SYNPO: variants seen among roughly 807,000 people sequenced by gnomAD.
SYNPO encodes synaptopodin.
In SYNPO, 19 loss-of-function variants were observed where a neutral mutation model predicts 49.5. The ratio of observed to expected loss-of-function variants is 0.38; its 90% CI spans 0.27 to 0.56. The LOEUF (loss-of-function observed/expected upper bound fraction) is 0.56. Among genes scored for constraint, SYNPO ranks in the 20% least tolerant of loss-of-function variants. The probability of loss-of-function intolerance (pLI) is 0.68; values close to 1 mark genes in which losing one functional copy is unlikely to be tolerated. For missense variants in SYNPO, 1,131 were observed against 1,248.3 expected (o/e 0.91, Z 1.42); for synonymous variants, 536 against 548.0 (o/e 0.98, Z 0.31).
exon 2 of SYNPO, chr5:150,618,483 A>G: frequency 2.6e-6 from 4 of 1,551,564 alleles, no homozygotes; most frequent in Non-Finnish European, 3.5e-6. Flanking sequence ...GAAGCCGAGG[A>G]GAGCAGCGGT....
chr5:150,651,833 C>A (rs1758398750), intron 2 of SYNPO: 1 of 1,000,350 alleles, frequency 1.0e-6, no homozygotes, highest in Non-Finnish European at 1.2e-6. Context: ...CTTCCCATCG[C>A]CTCTGACACT....
chr5:150,620,891 CTTTTTTTCTCTTTCTTTCTTTCTTTCTT>C (rs1757132048), intron 2 of SYNPO, among the ~76,000 whole-genome samples: 1 of 143,760 alleles, frequency 7.0e-6, no homozygotes, highest in African/African-American at 2.6e-5. Context: ...TTCTTTTTTT[CTTTTTTTCTCTTTCTTTCTTTCTTTCTT>C]TCTTTCTTTC....
intron 1 of SYNPO, chr5:150,615,216 C>A (rs192963089): frequency 6.6e-6 from 1 of 152,232 alleles, no homozygotes; most frequent in Non-Finnish European, 1.5e-5. Flanking sequence ...TGGGAGGGAA[C>A]CTTGAATTGG....
intron 2 of SYNPO, among the ~76,000 whole-genome samples, chr5:150,634,700 A>C (rs1454055582): frequency 6.6e-6 from 1 of 152,076 alleles, no homozygotes; most frequent in Non-Finnish European, 1.5e-5. Context: ...GCATGCCTGT[A>C]GTCCCAGCTA....
In SYNPO at chr5:150,603,714, G is replaced by GGCAGAGAT. The variant is rs373625505; in HGVS notation, c.-266+2533_-266+2540dup. 4.0e-3 allele frequency among the ~76,000 whole-genome samples: 613 copies of GGCAGAGAT among 152,318 alleles called. 2 individuals are homozygous for GGCAGAGAT. Among genetic ancestry groups the GGCAGAGAT allele is most frequent in the African/African-American group, 0.014 (589 of 41,566 alleles). On this transcript the variant is annotated intron_variant, in intron 1 of 2. Coordinates refer to the SYNPO transcript ENST00000394243. ...CGAATTCACAGTCCCTTCTTGGTGAGGCAGAGATGCAGAGGAAGGAGCACA... is the reference window on the plus strand; with the variant it reads ...CGAATTCACAGTCCCTTCTTGGTGAGGCAGAGATGCAGAGATGCAGAGGAAGGAGCACA...
chr5:150,620,926 TTTCTTTC>T (rs1757144070), intron 2 of SYNPO, among the ~76,000 whole-genome samples: 1 of 144,310 alleles, frequency 6.9e-6, no homozygotes, highest in South Asian at 2.3e-4. Context: ...TCTTTCTTTC[TTTCTTTC>T]TTTCTTTCTT....
chr5:150,607,192 T>TA lies in SYNPO; in HGVS notation c.-266+6005dup, dbSNP rs563158814. Among the ~76,000 whole-genome samples the TA allele has an allele frequency of 9.9e-4, 151 of 152,116 alleles. 1 individual carries two copies. The highest frequency in any genetic ancestry group is 3.5e-3 in the African/African-American group (145 of 41,490). ...CTGCCTAGGTACAGGATGTGGGAGA[T>TA]ATGGCATAAAAGTAGCAGTTATTTA... On this transcript the variant is annotated intron_variant, in intron 1 of 2. Coordinates refer to the SYNPO transcript ENST00000394243.
At position 150,656,729 on chromosome 5, in the gene SYNPO, C is replaced by T. The variant is rs542780461; in HGVS notation, c.2354C>T (p.Pro785Leu). 6.0e-6 allele frequency: 8 copies of T among 1,331,682 alleles called. No homozygotes were observed. Among genetic ancestry groups the T allele is most frequent in the South Asian group, 2.0e-5 (1 of 50,118 alleles). The allele number at this position is 1,331,682 out of a possible 1,614,324, so 82.5% of individuals were successfully genotyped here. A position where few individuals can be genotyped will look rare whatever the true frequency, so the allele number is the denominator to read the frequency against. Residue 785 changes from proline to leucine, a missense_variant, in exon 3 of 3, where the codon CCG becomes CTG. Coordinates refer to ENST00000307662, the MANE Select transcript of SYNPO (RefSeq NM_007286.6). ...GCCGAGAACCCGCGGCCCTTCTCCC[C>T]GCCGAGGGCGCCACCGCCCCCGCCC... is the stretch of plus-strand genomic sequence containing the variant. ...AGAENPRPFSPPRAPPPPPPP... is the reference protein window; with the variant it reads ...AGAENPRPFSLPRAPPPPPPP...
chr5:150,628,407 T>C (rs59024274), intron 2 of SYNPO, among the ~76,000 whole-genome samples: 1,745 of 152,312 alleles, frequency 0.011, 32 homozygotes, highest in African/African-American at 0.039. Flanking sequence ...ATACACAGAT[T>C]CTGTGGTTGG....
the SYNPO span, among the ~76,000 whole-genome samples, chr5:150,591,932 G>A: frequency 6.6e-6 from 1 of 152,146 alleles, no homozygotes; most frequent in East Asian, 1.9e-4. Context: ...TTGGGAGGCC[G>A]AGGTGGGTGA....
At chr5:150,607,851 C>T (rs1257569473) in intron 1 of SYNPO, among the ~76,000 whole-genome samples, 6 of 151,786 alleles carry the variant, frequency 4.0e-5, no homozygotes, top group East Asian at 3.9e-4. Context: ...CTCCAAATAG[C>T]GTCATGTTAA....
chr5:150,650,098 C>T lies in SYNPO; in HGVS notation c.1823C>T (p.Pro608Leu), dbSNP rs753967689. The T allele has an allele frequency of 6.2e-7, 1 of 1,613,736 alleles. No homozygotes were observed. The highest frequency in any genetic ancestry group is 8.5e-7 in the Non-Finnish European group (1 of 1,179,970). The change falls in exon 2 of 3, where the codon CCT (proline) becomes CTT (leucine). Residue 608 changes from proline (P) to leucine (L), a missense_variant. By Grantham distance (98) the Pro-to-Leu change is moderately conservative (BLOSUM62 -3). Coordinates refer to ENST00000307662, the MANE Select transcript of SYNPO (RefSeq NM_007286.6). ...LVPNLPKGAL[P>L]PSPALPRPSR... ...CCCAACCTGCCCAAGGGGGCTCTCC[C>T]TCCATCTCCTGCCCTGCCTCGGCCC...
At chr5:150,618,229 C>A in exon 2 of SYNPO, 2 of 1,073,792 alleles carry the variant, frequency 1.9e-6, no homozygotes, top group Non-Finnish European at 2.6e-6. Flanking sequence ...TGTGAATCAG[C>A]GGAGGAAGGC....
intron 1 of SYNPO, among the ~76,000 whole-genome samples, chr5:150,644,799 G>C (rs185847120): frequency 4.6e-5 from 7 of 152,300 alleles, no homozygotes; most frequent in Admixed American, 4.6e-4. Context: ...CCATCCCTTA[G>C]GCTCCTCCCA....
chr5:150,615,807 G>A (rs2151360558), intron 1 of SYNPO, among the ~76,000 whole-genome samples: 1 of 152,350 alleles, frequency 6.6e-6, no homozygotes, highest in East Asian at 1.9e-4. Context: ...TCAGAGCTAG[G>A]TTGGAATCCC....
At chr5:150,631,069 T>C (rs867035905) in intron 2 of SYNPO, among the ~76,000 whole-genome samples, 15 of 152,116 alleles carry the variant, frequency 9.9e-5, no homozygotes, top group Non-Finnish European at 2.2e-4. Flanking sequence ...TCCGGGTGAG[T>C]GAGGTCACAT....
chr5:150,624,676 C>T (rs1334915473), intron 2 of SYNPO: 6 of 239,168 alleles, frequency 2.5e-5, no homozygotes, highest in Non-Finnish European at 4.1e-5. Context: ...AGGAGCACGG[C>T]TCACCCGCCC....
chr5:150,595,943 A>G, the SYNPO span, among the ~76,000 whole-genome samples: 1 of 151,978 alleles, frequency 6.6e-6, no homozygotes, highest in South Asian at 2.1e-4. Flanking sequence ...TTCTCAAAGG[A>G]GAGAAGCATG....
chr5:150,634,635 A>C lies in SYNPO; in HGVS notation c.401-13309A>C, dbSNP rs574520490. On this transcript the variant is annotated intron_variant, in intron 2 of 2. Transcript: ENST00000394243. ...GGAGTTTGAGACCAGCCTGGGCAAC[A>C]AAGTGAGACCTCGTCTGTACAAAAA... 3.3e-5 allele frequency among the ~76,000 whole-genome samples: 5 copies of C among 152,224 alleles called. No homozygotes were observed. The South Asian group carries it at 1.0e-3, about 32-fold the overall frequency.
Sources: gnomAD v4.1 joint callset for allele counts (sites outside exome capture counted in the v4.1 genomes callset) on GRCh38, gnomAD v4.1.1 for gene constraint, MANE v1.5 for transcripts, NCBI Gene and HGNC (gene_info 2026-07-23, HGNC 2026-07-21) for gene names.